XPNPEP3: variants seen among roughly 807,000 people sequenced by gnomAD.
XPNPEP3 encodes xaa-Pro aminopeptidase 3.
A neutral mutation model predicts 60.0 loss-of-function variants in XPNPEP3; 41 were observed. That is an observed-to-expected ratio of 0.68 (90% CI 0.53 to 0.89). The LOEUF (loss-of-function observed/expected upper bound fraction) is 0.89. Among genes scored for constraint, XPNPEP3 ranks in the 40% least tolerant of loss-of-function variants. The probability of loss-of-function intolerance (pLI) is 0.00; values close to 1 mark genes in which losing one functional copy is unlikely to be tolerated. For synonymous variants in XPNPEP3, 212 were observed against 223.2 expected (o/e 0.95, Z 0.45); for missense variants, 598 against 638.9 (o/e 0.94, Z 0.69).
At chr22:40,875,260 C>T (rs1238512267) in intron 2 of XPNPEP3, among the ~76,000 whole-genome samples, 1 of 152,138 alleles carries the variant, frequency 6.6e-6, no homozygotes, top group Non-Finnish European at 1.5e-5. Context: ...ACTGCAGTCT[C>T]GACCTCCCAA....
At chr22:40,912,870 C>CA (rs1179493858) in intron 6 of XPNPEP3, among the ~76,000 whole-genome samples, 1 of 150,318 alleles carries the variant, frequency 6.7e-6, no homozygotes, top group Non-Finnish European at 1.5e-5. Flanking sequence ...GACTCCATCT[C>CA]AAAAAAAAAG....
In XPNPEP3 at chr22:40,857,161, C is replaced by T. The variant is rs776025665; in HGVS notation, c.-21C>T. On this transcript the variant is annotated 5_prime_UTR_variant, in exon 1 of 10. Coordinates refer to ENST00000357137, the MANE Select transcript of XPNPEP3 (RefSeq NM_022098.4). ...CCCGTCGTTACCCTCTTTCTCTTCC[C>T]GACGCGTGAGTTAGGCCGTAATGCC... 3 of 1,613,838 alleles carry T rather than the reference C, an allele frequency of 1.9e-6. No individual in the cohort carries two copies. The highest frequency in any genetic ancestry group is 1.3e-5 in the African/African-American group (1 of 74,932).
chr22:40,919,664 C>T (rs1022854754), intron 7 of XPNPEP3, among the ~76,000 whole-genome samples: 1 of 152,136 alleles, frequency 6.6e-6, no homozygotes, highest in Non-Finnish European at 1.5e-5. Flanking sequence ...TATGCCCAGC[C>T]AAATTCTAGG....
chr22:40,891,119 G>A (rs1469280495), intron 4 of XPNPEP3, among the ~76,000 whole-genome samples: 1 of 141,518 alleles, frequency 7.1e-6, no homozygotes, highest in Non-Finnish European at 1.5e-5. Flanking sequence ...AAGACGGGTG[G>A]ATCACTTGAG....
chr22:40,897,029 C>CTTTT lies in XPNPEP3; in HGVS notation c.792+10533_792+10536dup, dbSNP rs762152639. On this transcript the variant is annotated intron_variant, in intron 4 of 9. Coordinates refer to ENST00000357137, the MANE Select transcript of XPNPEP3 (RefSeq NM_022098.4). ...TATGTATAGACAATGTTTCCTTCAT[C>CTTTT]TTTTTTTTTTTTTTTTTTTTTTGAG... 2.2e-3 allele frequency among the ~76,000 whole-genome samples: 234 copies of CTTTT among 107,656 alleles called. 1 individual carries two copies. The highest frequency in any genetic ancestry group is 4.1e-3 in the East Asian group (13 of 3,160). The allele number at this position is 107,656 out of a possible 152,430, so 70.6% of individuals were successfully genotyped here.
Position 40,926,251 on chromosome 22 carries a change from C to G in XPNPEP3, c.1358-18C>G. On this transcript the variant is annotated intron_variant, in intron 9 of 9. Coordinates refer to ENST00000357137, the MANE Select transcript of XPNPEP3 (RefSeq NM_022098.4). ...TACTATCATTCCTGAACAGCATGTT[C>G]TTCTTTCTACTTCACAGGCATTTAT... The G allele has an allele frequency of 1.9e-6, 3 of 1,614,028 alleles. No individual in the cohort carries two copies. Among genetic ancestry groups the G allele is most frequent in the Non-Finnish European group, 2.5e-6 (3 of 1,179,988 alleles).
At chr22:40,858,766 G>A (rs962366907) in intron 1 of XPNPEP3, among the ~76,000 whole-genome samples, 25 of 151,972 alleles carry the variant, frequency 1.6e-4, no homozygotes, top group African/African-American at 6.0e-4. Flanking sequence ...CCCTGACCTC[G>A]TGATCCACCC....
rs754418302 is a variant in XPNPEP3 at position 40,857,199 on chromosome 22, AG to A, written c.19del (p.Ala7ProfsTer8). The A allele has an allele frequency of 2.5e-6, 4 of 1,614,044 alleles. No homozygotes were observed. In the African/African-American group the frequency reaches 4.0e-5, roughly 16 times the overall value. On this transcript the variant is annotated frameshift_variant, in exon 1 of 10. Coordinates refer to ENST00000357137, the MANE Select transcript of XPNPEP3 (RefSeq NM_022098.4). LOFTEE classifies it high-confidence loss of function. MPWLLS[A>X]PKLVPAVANV... Reference sequence around the variant, plus strand: ...AGGCCGTAATGCCTTGGCTGCTCTCAGCCCCCAAGCTGGTTCCCGCTGTAGC... The same window carrying A: ...AGGCCGTAATGCCTTGGCTGCTCTCACCCCCAAGCTGGTTCCCGCTGTAGC...
chr22:40,886,938 A>G (rs998609712), intron 4 of XPNPEP3, among the ~76,000 whole-genome samples: 4 of 152,106 alleles, frequency 2.6e-5, no homozygotes, highest in African/African-American at 7.2e-5. Flanking sequence ...GCAGAATGGC[A>G]TCTAGCTTCT....
chr22:40,886,012 T>C (rs1259004393), intron 3 of XPNPEP3, among the ~76,000 whole-genome samples: 1 of 151,948 alleles, frequency 6.6e-6, no homozygotes, highest in Non-Finnish European at 1.5e-5. Context: ...AGAGAGAAAA[T>C]CAAAGCTTGA....
intron 1 of XPNPEP3, chr22:40,859,891 G>A (rs1182662296): frequency 6.6e-6 from 1 of 152,040 alleles, no homozygotes; most frequent in African/African-American, 2.4e-5. Context: ...TGCTATTTTA[G>A]AGTAATGTAT....
chr22:40,881,501 TAAA>T (rs1326415918), intron 2 of XPNPEP3, among the ~76,000 whole-genome samples: 2 of 147,960 alleles, frequency 1.4e-5, no homozygotes, highest in African/African-American at 5.0e-5. Context: ...ACTGAGTGAG[TAAA>T]AGAATGAGCC....
intron 6 of XPNPEP3, among the ~76,000 whole-genome samples, chr22:40,909,743 A>C (rs1329054620): frequency 6.6e-6 from 1 of 152,160 alleles, no homozygotes; most frequent in Non-Finnish European, 1.5e-5. Flanking sequence ...CCAGTGCTCC[A>C]GCCTGGGCTA....
intron 4 of XPNPEP3, among the ~76,000 whole-genome samples, chr22:40,887,883 T>C (rs896625909): frequency 6.6e-6 from 1 of 152,148 alleles, no homozygotes; most frequent in African/African-American, 2.4e-5. Context: ...ACTCCCTATT[T>C]CATTTATTCT....
At chr22:40,885,075 T>G (rs2058063495) in intron 3 of XPNPEP3, among the ~76,000 whole-genome samples, 1 of 151,732 alleles carries the variant, frequency 6.6e-6, no homozygotes, top group Non-Finnish European at 1.5e-5. Context: ...CTATCGTAAG[T>G]AGGAAGGTGT....
chr22:40,868,860 T>C (rs992490834), intron 1 of XPNPEP3, 139 bp from the exon 2 acceptor site: 2 of 705,982 alleles, frequency 2.8e-6, no homozygotes, highest in Admixed American at 2.2e-5. Context: ...AAAAAATAAA[T>C]GAATATTGAA....
chr22:40,895,291 T>A (rs905171194), intron 4 of XPNPEP3, among the ~76,000 whole-genome samples: 1 of 152,208 alleles, frequency 6.6e-6, no homozygotes, highest in Non-Finnish European at 1.5e-5. Flanking sequence ...GTCCATCTTA[T>A]TGAAATGCAT....
At chr22:40,862,220 C>T in intron 1 of XPNPEP3, 1 of 1,323,812 alleles carries the variant, frequency 7.6e-7, no homozygotes, top group South Asian at 1.8e-5. Flanking sequence ...ATTCTGGGGT[C>T]AGTGTAGGGA....
At chr22:40,861,003 A>T in intron 1 of XPNPEP3, 2 of 1,476,992 alleles carry the variant, frequency 1.4e-6, no homozygotes, top group East Asian at 4.5e-5. Context: ...TTATCTACAA[A>T]ATTTGTGATT....
Sources: allele counts gnomAD v4.1 joint callset (sites outside exome capture counted in the v4.1 genomes callset), GRCh38; gene constraint gnomAD v4.1.1; transcripts MANE v1.5; gene names NCBI Gene and HGNC (gene_info 2026-07-23, HGNC 2026-07-21).